The following GABRB2 variants were observed in gnomAD, a reference collection of about 807,000 sequenced individuals.
GABRB2 encodes the protein gamma-aminobutyric acid type A receptor subunit beta2.
A neutral mutation model predicts 54.7 loss-of-function variants in GABRB2; 16 were observed. The ratio of observed to expected loss-of-function variants is 0.29; its 90% CI spans 0.20 to 0.44. GABRB2 has a LOEUF of 0.44. Ranked by LOEUF, GABRB2 falls within the 20% of genes least tolerant of loss-of-function variation. The pLI is 1.00. For synonymous variants in GABRB2, 244 were observed against 233.8 expected (o/e 1.04, Z -0.40); for missense variants, 355 against 644.0 (o/e 0.55, Z 4.86).
chr5:161,371,309 G>T (rs1190473324), intron 5 of GABRB2, among the ~76,000 whole-genome samples: 3 of 152,104 alleles, frequency 2.0e-5, no homozygotes, highest in Non-Finnish European at 2.9e-5. Context: ...AAGCCATAAA[G>T]AACTGTCCTA....
chr5:161,354,659 A>G (rs1469209923), intron 5 of GABRB2, among the ~76,000 whole-genome samples: 3 of 152,104 alleles, frequency 2.0e-5, no homozygotes, highest in South Asian at 2.1e-4. Context: ...AAAAACAGCA[A>G]CAAACAAACA....
At chr5:161,331,274 G>T in intron 7 of GABRB2, 147 bp from the exon 8 acceptor site, 1 of 884,930 alleles carries the variant, frequency 1.1e-6, no homozygotes, top group Non-Finnish European at 1.7e-6. Flanking sequence ...GCCAGCCCTA[G>T]GATAGGGAAT....
At chr5:161,518,319 T>G (rs553736893) in intron 3 of GABRB2, among the ~76,000 whole-genome samples, 1 of 152,130 alleles carries the variant, frequency 6.6e-6, no homozygotes, top group Non-Finnish European at 1.5e-5. Context: ...AAAAAATGAA[T>G]TATTTACAGT....
intron 3 of GABRB2, among the ~76,000 whole-genome samples, chr5:161,468,159 C>T (rs932313879): frequency 6.6e-5 from 10 of 152,014 alleles, no homozygotes; most frequent in African/African-American, 9.7e-5. Flanking sequence ...AACCCTTGCT[C>T]CTACAGTGTA....
intron 3 of GABRB2, among the ~76,000 whole-genome samples, chr5:161,477,327 T>C (rs933600390): frequency 3.3e-4 from 49 of 146,586 alleles, no homozygotes; most frequent in African/African-American, 1.1e-3. Flanking sequence ...GATGAAGATG[T>C]GGAGAAACTG....
chr5:161,496,062 C>A (rs555720992), intron 3 of GABRB2, among the ~76,000 whole-genome samples: 2 of 152,098 alleles, frequency 1.3e-5, no homozygotes, highest in Non-Finnish European at 2.9e-5. Context: ...ATACCATCTC[C>A]GCTTTCTGAG....
At chr5:161,365,690 A>G (rs1390066717) in intron 5 of GABRB2, among the ~76,000 whole-genome samples, 1 of 152,148 alleles carries the variant, frequency 6.6e-6, no homozygotes, top group Non-Finnish European at 1.5e-5. Flanking sequence ...ATCTGCTCCA[A>G]TCAACTAGTA....
rs538800931 is a variant in GABRB2 at position 161,421,109 on chromosome 5, G to C, written c.459-10052C>G. The stretch of plus-strand genomic sequence containing the variant: ...ATGATATTTGTCACCATCTGAAACT[G>C]TCCTGTGTGTGTATTTGCTTAATTG... On this transcript the variant is annotated intron_variant, in intron 4 of 9. Coordinates refer to ENST00000393959, the MANE Select transcript of GABRB2 (RefSeq NM_001371727.1). Among the ~76,000 whole-genome samples, 146 of 152,248 alleles carry C rather than the reference G, an allele frequency of 9.6e-4. 1 individual carries two copies. Among genetic ancestry groups the C allele is most frequent in the Middle Eastern group, 3.4e-3 (1 of 294 alleles).
chr5:161,450,713 A>G (rs1003024442), intron 4 of GABRB2, among the ~76,000 whole-genome samples: 1 of 152,212 alleles, frequency 6.6e-6, no homozygotes, highest in South Asian at 2.1e-4. Flanking sequence ...CTTGCTATAA[A>G]AAAAGGAGGT....
intron 5 of GABRB2, among the ~76,000 whole-genome samples, chr5:161,397,075 C>T (rs1032873459): frequency 6.6e-6 from 1 of 152,162 alleles, no homozygotes; most frequent in African/African-American, 2.4e-5. Flanking sequence ...TTAAAAGAGC[C>T]TTTTGTTAAA....
chr5:161,379,926 A>T (rs1042699238), intron 5 of GABRB2, among the ~76,000 whole-genome samples: 1 of 152,168 alleles, frequency 6.6e-6, no homozygotes, highest in African/African-American at 2.4e-5. Flanking sequence ...CTGAAGAAGA[A>T]AAGGGACAAG....
At chr5:161,503,378 G>T (rs1759506729) in intron 3 of GABRB2, among the ~76,000 whole-genome samples, 1 of 152,038 alleles carries the variant, frequency 6.6e-6, no homozygotes. Flanking sequence ...AGGAACAAAA[G>T]ACACTTAGGA....
chr5:161,375,172 G>A (rs1420309332), intron 5 of GABRB2, among the ~76,000 whole-genome samples: 1 of 152,140 alleles, frequency 6.6e-6, no homozygotes, highest in Non-Finnish European at 1.5e-5. Flanking sequence ...CCCACAGTAA[G>A]CATTCAATGA....
rs533308700 is a variant in GABRB2 at position 161,393,299 on chromosome 5, T to TAAAAAAAAAAAAAAAAAAAAAAAAAAA, written c.541+17649_541+17675dup. The stretch of plus-strand genomic sequence containing the variant: ...TCCCTTTTATAACTCTTTAAAAATG[T>TAAAAAAAAAAAAAAAAAAAAAAAAAAA]AAAAAAAAAAAAAAAAAAAAAAAAA... On this transcript the variant is annotated intron_variant, in intron 5 of 9. Coordinates refer to ENST00000393959, the MANE Select transcript of GABRB2 (RefSeq NM_001371727.1). 7.5e-5 allele frequency among the ~76,000 whole-genome samples: 3 copies of TAAAAAAAAAAAAAAAAAAAAAAAAAAA among 40,248 alleles called. 1 individual carries two copies. The highest frequency in any genetic ancestry group is 8.6e-5 in the African/African-American group (1 of 11,636). 26.4% of individuals were successfully genotyped at this position (40,248 alleles called of 152,430 possible). A position where few individuals can be genotyped will look rare whatever the true frequency, so the allele number is the denominator to read the frequency against.
intron 3 of GABRB2, among the ~76,000 whole-genome samples, chr5:161,468,415 A>G (rs1758339366): frequency 6.6e-6 from 1 of 151,980 alleles, no homozygotes; most frequent in African/African-American, 2.4e-5. Context: ...CTTCGTCTTA[A>G]CAACTGACTG....
chr5:161,385,948 GT>G (rs10608899), intron 5 of GABRB2, among the ~76,000 whole-genome samples: 37,367 of 108,026 alleles, frequency 0.35, 5,860 homozygotes, highest in Non-Finnish European at 0.45. Flanking sequence ...CTATTGTCTG[GT>G]GTGTGTGTGT....
chr5:161,343,198 A>G (rs1754223326), intron 5 of GABRB2, among the ~76,000 whole-genome samples: 1 of 151,982 alleles, frequency 6.6e-6, no homozygotes, highest in Admixed American at 6.6e-5. Flanking sequence ...TCTGCTCTTT[A>G]GATGAACTGC....
chr5:161,376,451 A>G (rs562132281), intron 5 of GABRB2, among the ~76,000 whole-genome samples: 47 of 152,232 alleles, frequency 3.1e-4, no homozygotes, highest in African/African-American at 1.1e-3. Flanking sequence ...AATGAAGCCC[A>G]CATGTGAAAA....
At chr5:161,383,327 A>G (rs907416781) in intron 5 of GABRB2, among the ~76,000 whole-genome samples, 3 of 151,408 alleles carry the variant, frequency 2.0e-5, no homozygotes, top group Non-Finnish European at 4.4e-5. Context: ...TCAACTTTTT[A>G]TGATTCTACA....
Sources: allele counts gnomAD v4.1 joint callset (sites outside exome capture counted in the v4.1 genomes callset), GRCh38; gene constraint gnomAD v4.1.1; transcripts MANE v1.5; gene names NCBI Gene and HGNC (gene_info 2026-07-23, HGNC 2026-07-21).